GRM8: variants seen among roughly 807,000 people sequenced by gnomAD.
GRM8 encodes the protein metabotropic glutamate receptor 8.
Under a neutral mutation model 87.2 loss-of-function variants are expected in GRM8, and 47 were observed. The ratio of observed to expected loss-of-function variants is 0.54; its 90% CI spans 0.43 to 0.69. The LOEUF is 0.69. Among genes scored for constraint, GRM8 ranks in the 30% least tolerant of loss-of-function variants. The probability of loss-of-function intolerance (pLI) is 0.00; values close to 1 mark genes in which losing one functional copy is unlikely to be tolerated. For missense variants in GRM8, 1,019 were observed against 1,139.2 expected (o/e 0.89, Z 1.52); for synonymous variants, 396 against 404.5 (o/e 0.98, Z 0.25).
At chr7:127,179,586 C>A (rs1288109311) in intron 2 of GRM8, among the ~76,000 whole-genome samples, 1 of 152,012 alleles carries the variant, frequency 6.6e-6, no homozygotes, top group African/African-American at 2.4e-5. Context: ...CCAAGATAGA[C>A]CATATGACAG....
chr7:127,169,251 CA>C (rs113202575), intron 2 of GRM8, among the ~76,000 whole-genome samples: 3,788 of 152,170 alleles, frequency 0.025, 152 homozygotes, highest in African/African-American at 0.087. Flanking sequence ...GAAAGTGAAA[CA>C]GCATTATTGC....
intron 7 of GRM8, among the ~76,000 whole-genome samples, chr7:126,644,793 C>T (rs181877467): frequency 1.3e-5 from 2 of 152,308 alleles, no homozygotes; most frequent in African/African-American, 4.8e-5. Context: ...TCCAGGGAAC[C>T]ACACTCAGAA....
At chr7:127,217,154 T>C (rs1012415775) in intron 2 of GRM8, among the ~76,000 whole-genome samples, 1 of 152,210 alleles carries the variant, frequency 6.6e-6, no homozygotes, top group East Asian at 1.9e-4. Context: ...TCTGCAAGCA[T>C]GCAAAATAGG....
At chr7:126,877,408 G>A (rs1799616357) in intron 6 of GRM8, among the ~76,000 whole-genome samples, 1 of 152,046 alleles carries the variant, frequency 6.6e-6, no homozygotes, top group African/African-American at 2.4e-5. Context: ...AAATTAAATA[G>A]AATAAAAAAT....
intron 7 of GRM8, among the ~76,000 whole-genome samples, chr7:126,683,072 A>C (rs892110925): frequency 7.2e-5 from 11 of 152,142 alleles, no homozygotes; most frequent in Non-Finnish European, 1.0e-4. Flanking sequence ...CAAAACAAAA[A>C]AAAGTGTGTG....
At chr7:126,610,855 C>T (rs539599946) in intron 7 of GRM8, among the ~76,000 whole-genome samples, 22 of 152,320 alleles carry the variant, frequency 1.4e-4, no homozygotes, top group African/African-American at 5.1e-4. Context: ...AGACTACAGA[C>T]ATCTGGTATC....
chr7:126,823,314 G>A (rs577498958), intron 6 of GRM8, among the ~76,000 whole-genome samples: 1 of 152,258 alleles, frequency 6.6e-6, no homozygotes, highest in South Asian at 2.1e-4. Flanking sequence ...GTTTAATTTG[G>A]TCCTCATTCC....
intron 2 of GRM8, among the ~76,000 whole-genome samples, chr7:127,195,791 A>C (rs551764161): frequency 1.3e-5 from 2 of 152,214 alleles, no homozygotes; most frequent in Admixed American, 6.5e-5. Context: ...CATTCCTGCC[A>C]CTGTTTTGGG....
chr7:126,467,808 C>T (rs534580808), intron 9 of GRM8, among the ~76,000 whole-genome samples: 1 of 152,026 alleles, frequency 6.6e-6, no homozygotes, highest in South Asian at 2.1e-4. Context: ...TACAAATATT[C>T]AGGCAAAGGC....
At chr7:126,601,021 G>C (rs1050039956) in intron 8 of GRM8, among the ~76,000 whole-genome samples, 16 of 151,584 alleles carry the variant, frequency 1.1e-4, no homozygotes, top group Admixed American at 3.9e-4. Context: ...ATGCTGGTGC[G>C]CTGCACCCAC....
In GRM8 at chr7:126,951,435, A is replaced by G. The variant is rs17865928; in HGVS notation, c.728-46752T>C. Among the ~76,000 whole-genome samples, 1,458 of 152,192 alleles carry G rather than the reference A, an allele frequency of 9.6e-3. 26 individuals carry two copies. Among genetic ancestry groups the G allele is most frequent in the African/African-American group, 0.033 (1,387 of 41,552 alleles). On this transcript the variant is annotated intron_variant, in intron 3 of 10. Coordinates refer to ENST00000339582, the MANE Select transcript of GRM8 (RefSeq NM_000845.3). ...CATATTTTTCACATGCCCCTAAGCAATCAACAACTAAAACTAACAATGATG... is the reference window on the plus strand; with the variant it reads ...CATATTTTTCACATGCCCCTAAGCAGTCAACAACTAAAACTAACAATGATG...
At chr7:126,779,480 A>G (rs1291769962) in intron 6 of GRM8, among the ~76,000 whole-genome samples, 1 of 152,102 alleles carries the variant, frequency 6.6e-6, no homozygotes, top group Non-Finnish European at 1.5e-5. Flanking sequence ...TGATTAGTCT[A>G]ATAGTCTTTA....
In GRM8 at chr7:126,801,674, T is replaced by G. The variant is rs187828879; in HGVS notation, c.1157-31609A>C. Among the ~76,000 whole-genome samples, 444 of 152,168 alleles carry G rather than the reference T, an allele frequency of 2.9e-3. 4 individuals carry two copies. Among genetic ancestry groups the G allele is most frequent in the African/African-American group, 0.01 (423 of 41,528 alleles). On this transcript the variant is annotated intron_variant, in intron 6 of 10. Coordinates refer to ENST00000339582, the MANE Select transcript of GRM8 (RefSeq NM_000845.3). ...GTTAAAAATAAAAATATGTAAATAT[T>G]TACAATGCAGAGGGGAGGGAGAGGG...
At chr7:127,089,315 C>T (rs1239920208) in intron 3 of GRM8, among the ~76,000 whole-genome samples, 4 of 152,216 alleles carry the variant, frequency 2.6e-5, no homozygotes, top group Admixed American at 2.6e-4. Flanking sequence ...GATCCTCCCT[C>T]AGAGCTTCTG....
At chr7:126,643,908 T>A (rs901448442) in intron 7 of GRM8, among the ~76,000 whole-genome samples, 1 of 152,278 alleles carries the variant, frequency 6.6e-6, no homozygotes, top group Non-Finnish European at 1.5e-5. Flanking sequence ...TCGTGCAGAA[T>A]GCACAGACTA....
At position 126,692,231 on chromosome 7, in the gene GRM8, TAA is replaced by T. The variant is rs1808901301; in HGVS notation, c.1357+77632_1357+77633del. On this transcript the variant is annotated intron_variant, in intron 7 of 10. Transcript: ENST00000339582. ...CAACAGTTAGTTCTATGTGTATCACTAAAGTTATAAACACATTCTTGAGTACC... is the reference window on the plus strand; with the variant it reads ...CAACAGTTAGTTCTATGTGTATCACTAGTTATAAACACATTCTTGAGTACC... Among the ~76,000 whole-genome samples, 6 of 152,360 alleles carry T rather than the reference TAA, an allele frequency of 3.9e-5. No homozygotes were observed. In the South Asian group the frequency reaches 1.2e-3, roughly 32 times the overall value.
At chr7:127,165,681 T>C (rs1363489362) in intron 2 of GRM8, among the ~76,000 whole-genome samples, 1 of 152,192 alleles carries the variant, frequency 6.6e-6, no homozygotes, top group African/African-American at 2.4e-5. Flanking sequence ...CACCTTTGTT[T>C]CCTAAGAAAT....
intron 7 of GRM8, among the ~76,000 whole-genome samples, chr7:126,630,649 G>T (rs1801165958): frequency 6.6e-6 from 1 of 152,028 alleles, no homozygotes; most frequent in Non-Finnish European, 1.5e-5. Flanking sequence ...CTAGCAAACT[G>T]AATCCAGCAG....
chr7:126,897,425 A>G (rs1801648666), intron 6 of GRM8, among the ~76,000 whole-genome samples: 1 of 152,114 alleles, frequency 6.6e-6, no homozygotes, highest in African/African-American at 2.4e-5. Context: ...AAGGGAGAGG[A>G]ATTGTGGCAG....
Sources: gnomAD v4.1 joint callset for allele counts (sites outside exome capture counted in the v4.1 genomes callset) on GRCh38, gnomAD v4.1.1 for gene constraint, MANE v1.5 for transcripts, NCBI Gene and HGNC (gene_info 2026-07-23, HGNC 2026-07-21) for gene names.